Variants in CSMD3 observed in about 807,000 individuals in gnomAD.
CSMD3 encodes CUB and Sushi multiple domains 3, also known as CUB and sushi domain-containing protein 3.
A neutral mutation model predicts 435.2 loss-of-function variants in CSMD3; 177 were observed. The observed-to-expected ratio is 0.41, with a 90% CI of 0.36 to 0.46. The LOEUF is 0.46. Among genes scored for constraint, CSMD3 ranks in the 20% least tolerant of loss-of-function variants. CSMD3 has a pLI of 0.34. For missense variants in CSMD3, 4,265 were observed against 4,504.6 expected (o/e 0.95, Z 1.52); for synonymous variants, 1,656 against 1,520.5 (o/e 1.09, Z -2.07).
chr8:112,341,590 C>T lies in CSMD3; in HGVS notation c.6539G>A (p.Arg2180Gln), dbSNP rs367841487. The T allele has an allele frequency of 1.7e-5, 28 of 1,612,312 alleles. No individual in the cohort carries two copies. The highest frequency in any genetic ancestry group is 3.3e-5 in the Admixed American group (2 of 59,980). The change falls in exon 42 of 71, where the codon CGG becomes CAG. Residue 2180 changes from arginine (R) to glutamine (Q), a missense_variant. Arg to Gln is a conservative substitution (Grantham distance 43). Coordinates refer to ENST00000297405, the MANE Select transcript of CSMD3 (RefSeq NM_198123.2). ...GSSETSTVIG[R>Q]LSGPQIPSSL... ...AGATGGTATTTGAGGACCACTAAGC[C>T]GGCCAATAACAGTACTAGTTTCTGA...
At chr8:112,856,371 T>C (rs1026291397) in intron 11 of CSMD3, among the ~76,000 whole-genome samples, 5 of 151,944 alleles carry the variant, frequency 3.3e-5, no homozygotes, top group African/African-American at 1.2e-4. Flanking sequence ...CAGTCACCTA[T>C]AAATTATTCA....
intron 28 of CSMD3, 86 bp from the exon 29 acceptor site, chr8:112,506,915 A>G: frequency 8.4e-7 from 1 of 1,192,648 alleles, no homozygotes; most frequent in South Asian, 1.3e-5. Context: ...CGTCTCTAAA[A>G]GAGCTTATGA....
At chr8:113,072,715 A>C (rs1050396471) in intron 5 of CSMD3, among the ~76,000 whole-genome samples, 1 of 151,860 alleles carries the variant, frequency 6.6e-6, no homozygotes, top group African/African-American at 2.4e-5. Flanking sequence ...ATTTAAAATC[A>C]GGAAATTTCA....
intron 22 of CSMD3, among the ~76,000 whole-genome samples, chr8:112,629,239 T>C (rs2074443498): frequency 6.6e-6 from 1 of 151,550 alleles, no homozygotes; most frequent in South Asian, 2.1e-4. Context: ...TCTTGCTCTG[T>C]TGCCCAGGCT....
rs556316468 is a variant in CSMD3 at position 112,708,170 on chromosome 8, T to G, written c.1973-18120A>C. Among the ~76,000 whole-genome samples, 88 of 152,062 alleles carry G rather than the reference T, an allele frequency of 5.8e-4. No individual in the cohort carries two copies. In the South Asian group the frequency reaches 0.018, roughly 31 times the overall value. ...TTATAGGAGACTGATTCAAGGAAGT[T>G]AAATTTCATATGGTCCCTAATGAAT... On this transcript the variant is annotated intron_variant, in intron 13 of 70. Transcript: ENST00000297405.
intron 3 of CSMD3, among the ~76,000 whole-genome samples, chr8:113,238,494 G>A (rs1248861597): frequency 6.6e-6 from 1 of 152,090 alleles, no homozygotes; most frequent in Non-Finnish European, 1.5e-5. Flanking sequence ...GACTCATCCT[G>A]ATAGGCAGTA....
chr8:112,360,338 A>G (rs904459336), intron 38 of CSMD3, among the ~76,000 whole-genome samples: 2 of 152,116 alleles, frequency 1.3e-5, no homozygotes, highest in South Asian at 2.1e-4. Context: ...AGAATAAATA[A>G]AACTATGTTA....
chr8:113,114,129 A>C (rs2090751608), intron 4 of CSMD3, among the ~76,000 whole-genome samples: 1 of 152,132 alleles, frequency 6.6e-6, no homozygotes, highest in Non-Finnish European at 1.5e-5. Flanking sequence ...TAATCAAATT[A>C]TTTCACAAGA....
intron 10 of CSMD3, among the ~76,000 whole-genome samples, chr8:112,905,321 T>TATATATATAC (rs5894119): frequency 2.1e-5 from 3 of 145,582 alleles, no homozygotes; most frequent in Admixed American, 1.4e-4. Context: ...TATATATATA[T>TATATATATAC]ACACACACAC....
At chr8:112,564,609 C>G (rs575546820) in intron 24 of CSMD3, among the ~76,000 whole-genome samples, 1 of 152,054 alleles carries the variant, frequency 6.6e-6, no homozygotes, top group Non-Finnish European at 1.5e-5. Flanking sequence ...ATCCAACAAC[C>G]TGACAGCACC....
intron 38 of CSMD3, among the ~76,000 whole-genome samples, chr8:112,366,954 T>C (rs956157202): frequency 6.6e-6 from 1 of 152,146 alleles, no homozygotes; most frequent in African/African-American, 2.4e-5. Context: ...TTTAATTCCA[T>C]TTTTAATTCC....
intron 13 of CSMD3, among the ~76,000 whole-genome samples, 155 bp from the exon 14 acceptor site, chr8:112,690,205 A>C (rs2131826991): frequency 6.6e-6 from 1 of 151,848 alleles, no homozygotes; most frequent in Admixed American, 6.6e-5. Flanking sequence ...CCATTCTTAC[A>C]GGCATGATAA....
chr8:113,327,724 T>C (rs2093993877), intron 1 of CSMD3, among the ~76,000 whole-genome samples: 1 of 151,872 alleles, frequency 6.6e-6, no homozygotes, highest in Non-Finnish European at 1.5e-5. Flanking sequence ...TGGCCTGACA[T>C]GGAGATTTCT....
At chr8:112,326,825 C>G (rs1042919199) in intron 45 of CSMD3, among the ~76,000 whole-genome samples, 1 of 152,056 alleles carries the variant, frequency 6.6e-6, no homozygotes, top group Non-Finnish European at 1.5e-5. Flanking sequence ...AACCAGCTAG[C>G]CACCTGCAGA....
chr8:112,916,208 G>A (rs78929519), intron 10 of CSMD3, among the ~76,000 whole-genome samples: 5,118 of 151,892 alleles, frequency 0.034, 147 homozygotes, highest in Middle Eastern at 0.051. Flanking sequence ...TAATCTGAGA[G>A]CTAGGCAAAA....
chr8:113,111,680 T>C (rs2090644889), intron 4 of CSMD3, among the ~76,000 whole-genome samples: 1 of 152,034 alleles, frequency 6.6e-6, no homozygotes, highest in South Asian at 2.1e-4. Flanking sequence ...TTTATTTATG[T>C]ATTTATTTAT....
intron 1 of CSMD3, among the ~76,000 whole-genome samples, chr8:113,433,890 G>C (rs1322258984): frequency 6.6e-6 from 1 of 152,154 alleles, no homozygotes; most frequent in Non-Finnish European, 1.5e-5. Context: ...ACCTGTGTGG[G>C]GGGTGCGGGG....
chr8:112,372,284 A>G (rs1828471330), intron 38 of CSMD3, among the ~76,000 whole-genome samples: 1 of 152,298 alleles, frequency 6.6e-6, no homozygotes, highest in Middle Eastern at 3.4e-3. Flanking sequence ...TACAAAATTC[A>G]TGTGTGAAAA....
intron 7 of CSMD3, among the ~76,000 whole-genome samples, chr8:112,955,424 T>C (rs1344756003): frequency 6.6e-6 from 1 of 151,712 alleles, no homozygotes; most frequent in Non-Finnish European, 1.5e-5. Flanking sequence ...ATGGCGTACA[T>C]AGGATATTTT....
Sources: allele counts gnomAD v4.1 joint callset (sites outside exome capture counted in the v4.1 genomes callset), GRCh38; gene constraint gnomAD v4.1.1; transcripts MANE v1.5; gene names NCBI Gene and HGNC (gene_info 2026-07-23, HGNC 2026-07-21).